Variants in MATCAP2 observed in about 807,000 individuals in gnomAD.
MATCAP2 encodes microtubule associated tyrosine carboxypeptidase 2.
At chr7:36,384,674 G>A in the MATCAP2 span, among the ~76,000 whole-genome samples, 29 of 152,272 alleles carry the variant, frequency 1.9e-4, no homozygotes, top group African/African-American at 7.0e-4. Context: ...GAGAAGACGG[G>A]GGTGGCCACC....
At chr7:36,383,227 T>C in the MATCAP2 span, among the ~76,000 whole-genome samples, 1 of 152,226 alleles carries the variant, frequency 6.6e-6, no homozygotes, top group African/African-American at 2.4e-5. Context: ...AACATATAGA[T>C]AACATCCTTT....
the MATCAP2 span, among the ~76,000 whole-genome samples, chr7:36,328,605 G>A: frequency 3.3e-5 from 5 of 152,084 alleles, no homozygotes; most frequent in East Asian, 3.9e-4. Context: ...TTAGCTGGGT[G>A]TGGTGGCAGG....
At chr7:36,390,059 G>C in the MATCAP2 span, 1 of 1,613,520 alleles carries the variant, frequency 6.2e-7, no homozygotes, top group East Asian at 2.2e-5. Context: ...GTGAGTTTGC[G>C]GGTGCAGCCA....
At chr7:36,336,474 G>T in the MATCAP2 span, among the ~76,000 whole-genome samples, 8 of 152,270 alleles carry the variant, frequency 5.3e-5, no homozygotes, top group East Asian at 1.5e-3. Flanking sequence ...TCGCAAATTT[G>T]TACAAATGCC....
At chr7:36,342,758 G>A in the MATCAP2 span, among the ~76,000 whole-genome samples, 21 of 152,318 alleles carry the variant, frequency 1.4e-4, 1 homozygote, top group African/African-American at 3.8e-4. Flanking sequence ...CTGAGTAGCT[G>A]AGACTGCAGG....
chr7:36,326,662 T>C, the MATCAP2 span: 1 of 1,091,434 alleles, frequency 9.2e-7, no homozygotes, highest in East Asian at 2.5e-5. Context: ...AAAACACAAG[T>C]AGTCTTTCTT....
the MATCAP2 span, among the ~76,000 whole-genome samples, chr7:36,388,062 T>A: frequency 6.6e-6 from 1 of 152,186 alleles, no homozygotes; most frequent in African/African-American, 2.4e-5. Flanking sequence ...TTGGATTATG[T>A]CTCTCCATTT....
chr7:36,372,573 A>AT, the MATCAP2 span, among the ~76,000 whole-genome samples: 2 of 152,220 alleles, frequency 1.3e-5, no homozygotes, highest in African/African-American at 4.8e-5. Context: ...GAACACTGTG[A>AT]TTTTACATGT....
At chr7:36,351,820 GC>G in the MATCAP2 span, among the ~76,000 whole-genome samples, 1 of 151,604 alleles carries the variant, frequency 6.6e-6, no homozygotes, top group African/African-American at 2.4e-5. Context: ...GGTGGCACAT[GC>G]CTATAGTTCA....
At chr7:36,325,178 G>C in the MATCAP2 span, 6 of 152,238 alleles carry the variant, frequency 3.9e-5, no homozygotes, top group African/African-American at 1.4e-4. Context: ...AGTGTTCGGT[G>C]AGCATTGGCA....
chr7:36,361,275 T>A, the MATCAP2 span, among the ~76,000 whole-genome samples: 1 of 152,056 alleles, frequency 6.6e-6, no homozygotes, highest in African/African-American at 2.4e-5. Flanking sequence ...TCTAAAAGAA[T>A]GGGGGAAAAG....
At chr7:36,384,746 G>C in the MATCAP2 span, among the ~76,000 whole-genome samples, 1 of 152,006 alleles carries the variant, frequency 6.6e-6, no homozygotes, top group Non-Finnish European at 1.5e-5. Flanking sequence ...ATAACGAGGA[G>C]CAGACGTGCT....
chr7:36,347,473 A>T, the MATCAP2 span, among the ~76,000 whole-genome samples: 3 of 152,350 alleles, frequency 2.0e-5, no homozygotes, highest in African/African-American at 7.2e-5. Flanking sequence ...ACTAGAAGTC[A>T]GAAGACCTGG....
chr7:36,330,635 G>A, the MATCAP2 span, among the ~76,000 whole-genome samples: 9 of 152,082 alleles, frequency 5.9e-5, no homozygotes, highest in South Asian at 2.1e-4. Context: ...AAATCATGTC[G>A]TAATGTCAGA....
chr7:36,338,999 T>C, the MATCAP2 span, among the ~76,000 whole-genome samples: 9 of 152,254 alleles, frequency 5.9e-5, no homozygotes, highest in African/African-American at 1.9e-4. Context: ...CATGTATTGA[T>C]TGAGACATAA....
At chr7:36,386,080 G>A in the MATCAP2 span, among the ~76,000 whole-genome samples, 23 of 151,644 alleles carry the variant, frequency 1.5e-4, no homozygotes, top group Non-Finnish European at 2.2e-4. Context: ...GCTTGAACCC[G>A]GGAGGCAGAG....
the MATCAP2 span, among the ~76,000 whole-genome samples, chr7:36,382,675 A>G: frequency 6.6e-6 from 1 of 152,052 alleles, no homozygotes; most frequent in African/African-American, 2.4e-5. Context: ...TTGTACTTTT[A>G]GTAGAGACAG....
the MATCAP2 span, among the ~76,000 whole-genome samples, chr7:36,345,232 A>G: frequency 6.6e-6 from 1 of 152,220 alleles, no homozygotes. Flanking sequence ...AAAAAAACCC[A>G]TATTTTTACT....
the MATCAP2 span, among the ~76,000 whole-genome samples, chr7:36,351,712 C>T: frequency 4.0e-5 from 6 of 151,882 alleles, no homozygotes; most frequent in Middle Eastern, 6.8e-3. Flanking sequence ...TTTGGGAGGC[C>T]GAGGCAGGTG....
Sources: allele counts gnomAD v4.1 joint callset (sites outside exome capture counted in the v4.1 genomes callset), GRCh38; gene constraint gnomAD v4.1.1; transcripts MANE v1.5; gene names NCBI Gene and HGNC (gene_info 2026-07-23, HGNC 2026-07-21).